TEX9: variants seen among roughly 807,000 people sequenced by gnomAD.
The protein encoded by TEX9 is testis-expressed protein 9.
TEX9 carries 74 observed loss-of-function variants against 59.6 expected under a neutral mutation model. That is an observed-to-expected ratio of 1.24 (90% CI 1.03 to 1.51). The LOEUF (loss-of-function observed/expected upper bound fraction) is 1.51, where lower values mean the gene tolerates loss of function less well. TEX9 is among the 40% of genes most tolerant of loss of function. The pLI is 0.00. For synonymous variants in TEX9, 186 were observed against 152.2 expected, an observed-to-expected ratio of 1.22 and a Z score of -1.64; for missense variants, 522 against 447.8, an observed-to-expected ratio of 1.17 and a Z score of -1.49.
At chr15:56,290,178 G>A (rs2045054900) in intron 1 of TEX9, among the ~76,000 whole-genome samples, 1 of 152,074 alleles carries the variant, frequency 6.6e-6, no homozygotes, top group South Asian at 2.1e-4. Flanking sequence ...TTTTTCCAAT[G>A]TAGTTCAAAA....
chr15:56,254,014 C>T (rs2713935), intron 1 of TEX9, among the ~76,000 whole-genome samples: 71,537 of 151,840 alleles, frequency 0.47, 17,121 homozygotes, highest in Non-Finnish European at 0.5. Context: ...CCACAAATTA[C>T]ATTTAATGGT....
rs2718944 is a variant in TEX9 at position 56,285,217 on chromosome 15, A to C, written c.-107+40939A>C. Among the ~76,000 whole-genome samples the C allele has an allele frequency of 3.2e-3, 486 of 152,150 alleles. 2 individuals carry two copies. Among genetic ancestry groups the C allele is most frequent in the African/African-American group, 0.011 (452 of 41,526 alleles). On this transcript the variant is annotated intron_variant, in intron 1 of 5. Coordinates refer to the TEX9 transcript ENST00000560827. ...CAGTCTCTTGATTTTCGTGTCTCTGAACATTTTTACTTTACCCTCACTCTC... is the reference window on the plus strand; with the variant it reads ...CAGTCTCTTGATTTTCGTGTCTCTGCACATTTTTACTTTACCCTCACTCTC...
intron 12 of TEX9, among the ~76,000 whole-genome samples, chr15:56,440,763 T>C (rs1047342792): frequency 6.6e-6 from 1 of 152,196 alleles, no homozygotes; most frequent in Non-Finnish European, 1.5e-5. Flanking sequence ...CTGAGGCACA[T>C]ACTTTTAAAT....
chr15:56,396,550 A>T (rs2048477876), intron 9 of TEX9: 2 of 143,350 alleles, frequency 1.4e-5, no homozygotes. Context: ...ATCGCATTGG[A>T]TATAGACTTT....
At chr15:56,360,539 C>A (rs935486072), upstream of TEX9, among the ~76,000 whole-genome samples, 1 of 152,042 alleles carries the variant, frequency 6.6e-6, no homozygotes, top group African/African-American at 2.4e-5. Context: ...TTTCATGGGA[C>A]AATTGATGAC....
chr15:56,443,719 A>T, intron 12 of TEX9: 1 of 1,613,304 alleles, frequency 6.2e-7, no homozygotes, highest in South Asian at 1.1e-5. Context: ...GCTGCATGTT[A>T]GCAAACTCTA....
At chr15:56,441,589 C>G (rs949190915) in intron 12 of TEX9, among the ~76,000 whole-genome samples, 2 of 152,072 alleles carry the variant, frequency 1.3e-5, no homozygotes, top group East Asian at 3.9e-4. Flanking sequence ...AGTTTCTTCA[C>G]AGGAAATGAA....
intron 5 of TEX9, 53 bp downstream of exon 5, chr15:56,388,573 A>AT: frequency 6.7e-7 from 1 of 1,499,222 alleles, no homozygotes; most frequent in Non-Finnish European, 9.3e-7. Context: ...AACTCCGGAT[A>AT]TTTTTTAGAC....
chr15:56,365,446 C>G (rs781073455), exon 1 of TEX9: 16 of 1,609,710 alleles, frequency 9.9e-6, no homozygotes, highest in Non-Finnish European at 1.1e-5. Context: ...TCGCAGTCGC[C>G]GAAGATGGCG....
chr15:56,405,158 G>A (rs2049012471), intron 9 of TEX9, among the ~76,000 whole-genome samples: 1 of 151,892 alleles, frequency 6.6e-6, no homozygotes, highest in African/African-American at 2.4e-5. Context: ...ATACAAAAAA[G>A]CCGGGCGTGG....
At chr15:56,354,592 A>G (rs1457015585) in intron 1 of TEX9, among the ~76,000 whole-genome samples, 2 of 152,220 alleles carry the variant, frequency 1.3e-5, no homozygotes, top group Non-Finnish European at 2.9e-5. Context: ...CAAGTATTTA[A>G]ACCTTGTTCC....
At chr15:56,353,562 T>G (rs1347973350) in intron 1 of TEX9, among the ~76,000 whole-genome samples, 1 of 152,178 alleles carries the variant, frequency 6.6e-6, no homozygotes, top group Non-Finnish European at 1.5e-5. Context: ...CAAATAATAT[T>G]AAAAGTAATT....
chr15:56,382,484 G>T (rs535003432), intron 3 of TEX9, among the ~76,000 whole-genome samples: 4 of 152,160 alleles, frequency 2.6e-5, no homozygotes, highest in Admixed American at 2.6e-4. Flanking sequence ...CCTGAAGTCA[G>T]TATGTCTCAG....
chr15:56,373,293 T>G, intron 2 of TEX9, 148 bp from the exon 3 acceptor site: 1 of 632,402 alleles, frequency 1.6e-6, no homozygotes. Flanking sequence ...GGATAAGTTC[T>G]TAATGGCTGT....
intron 1 of TEX9, among the ~76,000 whole-genome samples, chr15:56,259,179 ACCTG>A (rs1210433834): frequency 1.3e-5 from 2 of 151,862 alleles, no homozygotes; most frequent in African/African-American, 4.8e-5. Context: ...GGCCCATGTG[ACCTG>A]CCATTTGTTT....
chr15:56,262,356 G>A (rs1180675031), intron 1 of TEX9, among the ~76,000 whole-genome samples: 1 of 152,140 alleles, frequency 6.6e-6, no homozygotes, highest in African/African-American at 2.4e-5. Flanking sequence ...ATTATCTTGA[G>A]TACTGGTTTA....
At chr15:56,330,049 A>C (rs1379058383) in intron 1 of TEX9, among the ~76,000 whole-genome samples, 1 of 152,060 alleles carries the variant, frequency 6.6e-6, no homozygotes, top group Non-Finnish European at 1.5e-5. Context: ...ACAAACAAAC[A>C]TAGAATGGAG....
chr15:56,340,181 A>G (rs915198780), intron 1 of TEX9, among the ~76,000 whole-genome samples: 1 of 152,280 alleles, frequency 6.6e-6, no homozygotes, highest in Middle Eastern at 3.4e-3. Context: ...ATTTTCTGCT[A>G]TAATAGCTTT....
At chr15:56,289,436 A>C (rs2141493722) in intron 1 of TEX9, among the ~76,000 whole-genome samples, 1 of 152,318 alleles carries the variant, frequency 6.6e-6, no homozygotes, top group South Asian at 2.1e-4. Flanking sequence ...GGTAGGGTGC[A>C]GCAGTTCTGG....
Sources: allele counts gnomAD v4.1 joint callset (sites outside exome capture counted in the v4.1 genomes callset), GRCh38; gene constraint gnomAD v4.1.1; transcripts MANE v1.5; gene names NCBI Gene and HGNC (gene_info 2026-07-23, HGNC 2026-07-21).